GFRA1: variants seen among roughly 807,000 people sequenced by gnomAD.
The protein encoded by GFRA1 is GDNF family receptor alpha-1.
In GFRA1, 16 loss-of-function variants were observed where a neutral mutation model predicts 51.6. The observed-to-expected ratio is 0.31, with a 90% CI of 0.21 to 0.47. The LOEUF (loss-of-function observed/expected upper bound fraction) is 0.47, where lower values mean the gene tolerates loss of function less well. GFRA1 is among the 20% of genes least tolerant of loss of function. GFRA1 has a pLI of 1.00. For missense variants in GFRA1, 530 were observed against 594.3 expected (o/e 0.89, Z 1.13); for synonymous variants, 270 against 241.3 (o/e 1.12, Z -1.10).
At chr10:116,199,904 A>C (rs1016284622) in intron 5 of GFRA1, among the ~76,000 whole-genome samples, 9 of 152,336 alleles carry the variant, frequency 5.9e-5, no homozygotes, top group African/African-American at 2.2e-4. Context: ...CCCAGAAGGA[A>C]ACGATGTTGA....
At chr10:116,100,407 C>T (rs1956772270) in intron 6 of GFRA1, among the ~76,000 whole-genome samples, 1 of 152,166 alleles carries the variant, frequency 6.6e-6, no homozygotes, top group African/African-American at 2.4e-5. Context: ...AGAACATGAC[C>T]ACATTCAATC....
chr10:116,221,506 C>T (rs978055372), intron 4 of GFRA1, among the ~76,000 whole-genome samples: 4 of 152,066 alleles, frequency 2.6e-5, no homozygotes, highest in Admixed American at 2.0e-4. Context: ...CTCACTGCAA[C>T]CTCTCTCTCC....
At chr10:116,263,659 G>A (rs1969452889) in intron 4 of GFRA1, among the ~76,000 whole-genome samples, 1 of 152,206 alleles carries the variant, frequency 6.6e-6, no homozygotes, top group Non-Finnish European at 1.5e-5. Context: ...GTAAAAGAGT[G>A]AAGGAAGACT....
chr10:116,179,001 C>A, intron 5 of GFRA1, among the ~76,000 whole-genome samples: 1 of 152,164 alleles, frequency 6.6e-6, no homozygotes, highest in East Asian at 1.9e-4. Context: ...ATCCCATCTG[C>A]TCCCCCGGTT....
chr10:116,133,860 G>A (rs983041590), intron 5 of GFRA1, among the ~76,000 whole-genome samples: 1 of 152,214 alleles, frequency 6.6e-6, no homozygotes. Context: ...TATGTCATGG[G>A]AGAAGCTTTC....
In GFRA1 at chr10:116,169,361, G is replaced by A. The variant is rs544005754; in HGVS notation, c.433+42270C>T. On this transcript the variant is annotated intron_variant, in intron 5 of 10. Coordinates refer to ENST00000355422, the MANE Select transcript of GFRA1 (RefSeq NM_005264.8). ...GGAGGCAGGGAAATACTAGGTAGAA[G>A]ATGGTGGGGTCCCTGGCGAGGGCTC... is the stretch of plus-strand genomic sequence containing the variant. 4.6e-5 allele frequency among the ~76,000 whole-genome samples: 7 copies of A among 152,360 alleles called. No individual in the cohort carries two copies. The South Asian group carries it at 1.5e-3, about 32-fold the overall frequency.
At chr10:116,110,896 T>C (rs566413415) in intron 6 of GFRA1, among the ~76,000 whole-genome samples, 2 of 152,282 alleles carry the variant, frequency 1.3e-5, no homozygotes, top group African/African-American at 4.8e-5. Context: ...AGGGGTGAGA[T>C]GTACCATGTA....
intron 5 of GFRA1, among the ~76,000 whole-genome samples, chr10:116,132,891 T>A (rs902919169): frequency 6.6e-6 from 1 of 152,154 alleles, no homozygotes; most frequent in Non-Finnish European, 1.5e-5. Context: ...GGAGCCCGCC[T>A]GTGTTTTACG....
intron 6 of GFRA1, among the ~76,000 whole-genome samples, chr10:116,117,952 T>TTC (rs371911727): frequency 4.0e-4 from 61 of 152,240 alleles, no homozygotes; most frequent in African/African-American, 1.2e-3. Context: ...ACTCTCCAAC[T>TTC]TCTAAGTCCT....
intron 5 of GFRA1, among the ~76,000 whole-genome samples, chr10:116,137,543 C>T (rs1958382204): frequency 6.6e-6 from 1 of 152,168 alleles, no homozygotes; most frequent in South Asian, 2.1e-4. Flanking sequence ...TTACCGTCAC[C>T]ACAGCCCTGC....
intron 4 of GFRA1, among the ~76,000 whole-genome samples, chr10:116,254,123 C>T (rs528323939): frequency 2.2e-4 from 34 of 151,826 alleles, no homozygotes; most frequent in Non-Finnish European, 4.7e-4. Context: ...GAGTTTGAGA[C>T]CAGCCTGGCC....
chr10:116,110,122 A>G (rs2694803), intron 6 of GFRA1, among the ~76,000 whole-genome samples: 1 of 152,212 alleles, frequency 6.6e-6, no homozygotes, highest in Non-Finnish European at 1.5e-5. Flanking sequence ...AAGAGGGGTC[A>G]AGTGCAGAGG....
At chr10:116,102,132 G>A (rs146158260) in intron 6 of GFRA1, among the ~76,000 whole-genome samples, 1 of 152,210 alleles carries the variant, frequency 6.6e-6, no homozygotes, top group Non-Finnish European at 1.5e-5. Context: ...TCACATGGCA[G>A]GTGGCCACAG....
chr10:116,153,841 C>T (rs532785624), intron 5 of GFRA1, among the ~76,000 whole-genome samples: 19 of 152,234 alleles, frequency 1.2e-4, no homozygotes, highest in African/African-American at 4.3e-4. Flanking sequence ...ATACATTTAT[C>T]TGACAAAGGA....
At chr10:116,240,803 A>G (rs1448498476) in intron 4 of GFRA1, among the ~76,000 whole-genome samples, 1 of 152,124 alleles carries the variant, frequency 6.6e-6, no homozygotes, top group Non-Finnish European at 1.5e-5. Context: ...CTGCAGACTG[A>G]AAGGAATAAA....
rs1555140472 is a variant in GFRA1 at position 116,057,990 on chromosome 10, T to TTTTGTGTG, written c.*6407_*6408insCACACAAA. ...GCTGGATCATATAGCCCTCCAATCA[T>TTTTGTGTG]TGTGTGTGTGTGTGTGTGTGTGTGT... On this transcript the variant is annotated 3_prime_UTR_variant, in exon 11 of 11. Coordinates refer to ENST00000355422, the MANE Select transcript of GFRA1 (RefSeq NM_005264.8). The TTTTGTGTG allele has an allele frequency of 2.3e-5, 3 of 129,106 alleles. No individual in the cohort carries two copies. Among genetic ancestry groups the TTTTGTGTG allele is most frequent in the African/African-American group, 8.8e-5 (3 of 34,126 alleles). The allele number at this position is 129,106 out of a possible 1,614,324, so 8.0% of individuals were successfully genotyped here.
At chr10:116,228,075 A>G (rs1375804230) in intron 4 of GFRA1, among the ~76,000 whole-genome samples, 1 of 152,208 alleles carries the variant, frequency 6.6e-6, no homozygotes, top group Non-Finnish European at 1.5e-5. Flanking sequence ...TTCGCGTTTC[A>G]AAAGAACTGG....
chr10:116,092,096 T>TACACACAC (rs58442181), intron 8 of GFRA1, among the ~76,000 whole-genome samples: 14,977 of 137,954 alleles, frequency 0.11, 1,158 homozygotes, highest in East Asian at 0.18. Context: ...CATACATACG[T>TACACACAC]ACACACACAC....
intron 4 of GFRA1, among the ~76,000 whole-genome samples, chr10:116,224,305 T>C (rs1340799287): frequency 6.6e-6 from 1 of 152,172 alleles, no homozygotes; most frequent in Non-Finnish European, 1.5e-5. Flanking sequence ...TAGTTACGTA[T>C]AGAGTTTATC....
Sources: gnomAD v4.1 joint callset for allele counts (sites outside exome capture counted in the v4.1 genomes callset) on GRCh38, gnomAD v4.1.1 for gene constraint, MANE v1.5 for transcripts, NCBI Gene and HGNC (gene_info 2026-07-23, HGNC 2026-07-21) for gene names.